Variants in LRRC69 observed in about 807,000 individuals in gnomAD.
LRRC69 encodes leucine-rich repeat-containing protein 69.
LRRC69 carries 42 observed loss-of-function variants against 37.8 expected under a neutral mutation model. The ratio of observed to expected loss-of-function variants is 1.11; its 90% CI spans 0.87 to 1.44. The LOEUF (loss-of-function observed/expected upper bound fraction) is 1.44. LRRC69 is among the 40% of genes most tolerant of loss of function. The pLI is 0.00. For synonymous variants in LRRC69, 141 were observed against 143.1 expected (o/e 0.99, Z 0.11); for missense variants, 357 against 401.9 (o/e 0.89, Z 0.96).
intron 5 of LRRC69, among the ~76,000 whole-genome samples, chr8:91,188,895 G>A (rs1809446538): frequency 1.3e-5 from 2 of 149,802 alleles, no homozygotes; most frequent in Non-Finnish European, 3.0e-5. Flanking sequence ...GCACAATCTC[G>A]GCTCAGTGCA....
intron 5 of LRRC69, among the ~76,000 whole-genome samples, chr8:91,147,294 A>G (rs1808639645): frequency 6.8e-6 from 1 of 147,774 alleles, no homozygotes; most frequent in Non-Finnish European, 1.5e-5. Flanking sequence ...AACATATTAT[A>G]TATTATATAT....
intron 5 of LRRC69, among the ~76,000 whole-genome samples, chr8:91,166,801 C>T (rs1323899953): frequency 6.6e-6 from 1 of 151,758 alleles, no homozygotes; most frequent in Non-Finnish European, 1.5e-5. Flanking sequence ...CAGTACTACC[C>T]GTCCTCATAT....
chr8:91,186,152 A>G (rs1171235384), intron 5 of LRRC69, among the ~76,000 whole-genome samples: 1 of 152,156 alleles, frequency 6.6e-6, no homozygotes, highest in Non-Finnish European at 1.5e-5. Context: ...TTCTGAGAAG[A>G]TATTTGTTTA....
intron 5 of LRRC69, among the ~76,000 whole-genome samples, chr8:91,136,291 T>C (rs1039641573): frequency 6.6e-6 from 1 of 151,970 alleles, no homozygotes; most frequent in African/African-American, 2.4e-5. Context: ...TAAACATTCA[T>C]GGTAATAATG....
intron 1 of LRRC69, among the ~76,000 whole-genome samples, chr8:91,112,896 A>C (rs920631489): frequency 6.6e-6 from 1 of 152,186 alleles, no homozygotes; most frequent in African/African-American, 2.4e-5. Flanking sequence ...TAAAATCAAC[A>C]TACTAAAAAT....
At position 91,192,444 on chromosome 8, in the gene LRRC69, T is replaced by C. The variant is rs1320561453; in HGVS notation, c.753+2821T>C. On this transcript the variant is annotated intron_variant, in intron 6 of 7. Coordinates refer to ENST00000448384, the Ensembl canonical transcript of LRRC69. ...ACACTGACTTCCACAATGGTTGAAC[T>C]AGTTTACAGTCCCACCAACAGTGTA... 4.6e-5 allele frequency among the ~76,000 whole-genome samples: 7 copies of C among 151,786 alleles called. No individual in the cohort carries two copies. In the South Asian group the frequency reaches 6.3e-4, roughly 14 times the overall value.
chr8:91,210,221 T>C (rs74550121), intron 7 of LRRC69, among the ~76,000 whole-genome samples: 1,649 of 152,278 alleles, frequency 0.011, 25 homozygotes, highest in African/African-American at 0.037. Context: ...TAAGCAAAGT[T>C]AAGTAGTTTG....
rs1810107147 is a variant in LRRC69 at position 91,218,878 on chromosome 8, T to C, written c.934-12T>C. 1 of 1,496,184 alleles carries C rather than the reference T, an allele frequency of 6.7e-7. No homozygotes were observed. The highest frequency in any genetic ancestry group is 9.1e-7 in the Non-Finnish European group (1 of 1,102,262). The allele number at this position is 1,496,184 out of a possible 1,614,324, so 92.7% of individuals were successfully genotyped here. On this transcript the variant is annotated splice_polypyrimidine_tract_variant and intron_variant, in intron 7 of 7. Coordinates refer to ENST00000448384, the Ensembl canonical transcript of LRRC69. Reference sequence around the variant, plus strand: ...CACTGCCTAAATTTTATTTTTAATCTTTACTTTTTAGGACTGGAAGATAAG... The same window carrying C: ...CACTGCCTAAATTTTATTTTTAATCCTTACTTTTTAGGACTGGAAGATAAG...
At chr8:91,118,350 GCAAAAAAAAAAAAAAAAAAAAAAAAAAA>G in intron 1 of LRRC69, 1 of 20,234 alleles carries the variant, frequency 4.9e-5, no homozygotes, top group South Asian at 6.3e-4. Context: ...TACTAAAAAT[GCAAAAAAAAAAAAAAAAAAAAAAAAAAA>G]AAAAAAAAAA....
intron 1 of LRRC69, among the ~76,000 whole-genome samples, chr8:91,104,665 A>G (rs889180864): frequency 6.6e-6 from 1 of 151,986 alleles, no homozygotes; most frequent in Non-Finnish European, 1.5e-5. Context: ...TTTGCTAGAT[A>G]CTGTCAGCCA....
chr8:91,103,206 A>G (rs1211949008), intron 1 of LRRC69, among the ~76,000 whole-genome samples: 1 of 152,052 alleles, frequency 6.6e-6, no homozygotes, highest in Non-Finnish European at 1.5e-5. Flanking sequence ...GATCCAGGAG[A>G]TGCTGTTCAC....
At chr8:91,181,981 G>T (rs894277721) in intron 5 of LRRC69, among the ~76,000 whole-genome samples, 1 of 152,074 alleles carries the variant, frequency 6.6e-6, no homozygotes, top group African/African-American at 2.4e-5. Context: ...ATAAAATATG[G>T]AAAAATAAAA....
chr8:91,154,246 A>G (rs188723393), intron 5 of LRRC69, among the ~76,000 whole-genome samples: 1 of 151,656 alleles, frequency 6.6e-6, no homozygotes, highest in East Asian at 1.9e-4. Flanking sequence ...CAAAGAAAAA[A>G]AAAAGCCCAG....
Position 91,194,369 on chromosome 8 carries a change from G to A in LRRC69, c.753+4746G>A, listed in dbSNP as rs1809556207. Among the ~76,000 whole-genome samples, 3 of 151,646 alleles carry A rather than the reference G, an allele frequency of 2.0e-5. No homozygotes were observed. In the South Asian group the frequency reaches 6.2e-4, roughly 31 times the overall value. The stretch of plus-strand genomic sequence containing the variant: ...GAATGATGCTGGCCTCATAAAATGA[G>A]TTAGGGAGGATTCTCTATTGTTTTA... On this transcript the variant is annotated intron_variant, in intron 6 of 7. Coordinates refer to ENST00000448384, the Ensembl canonical transcript of LRRC69.
chr8:91,201,620 C>T (rs1191247412), intron 7 of LRRC69, among the ~76,000 whole-genome samples: 6 of 151,968 alleles, frequency 3.9e-5, no homozygotes, highest in Non-Finnish European at 4.4e-5. Flanking sequence ...TTTTCCCACA[C>T]TTGTTCTAGA....
chr8:91,161,787 T>TTTTGGG (rs1191386095), intron 5 of LRRC69, among the ~76,000 whole-genome samples: 20 of 151,316 alleles, frequency 1.3e-4, no homozygotes, highest in Non-Finnish European at 1.0e-4. Context: ...TCTTTCTTTC[T>TTTTGGG]TTCTACTAAT....
intron 7 of LRRC69, among the ~76,000 whole-genome samples, chr8:91,201,113 G>A (rs1809705138): frequency 6.6e-6 from 1 of 152,162 alleles, no homozygotes; most frequent in South Asian, 2.1e-4. Context: ...CTCAGAAGAA[G>A]AATTGGTCAG....
exon 6 of LRRC69, chr8:91,189,551 C>T (rs1212157075): frequency 1.9e-6 from 3 of 1,551,014 alleles, no homozygotes; most frequent in Non-Finnish European, 2.6e-6. Flanking sequence ...GGGAATTCTA[C>T]TGTGAGGGAA....
At chr8:91,216,823 T>C (rs1014009093) in intron 7 of LRRC69, among the ~76,000 whole-genome samples, 5 of 152,102 alleles carry the variant, frequency 3.3e-5, no homozygotes, top group Admixed American at 6.6e-5. Context: ...GACTAATGTA[T>C]TGTTGATATC....
Sources: allele counts gnomAD v4.1 joint callset (sites outside exome capture counted in the v4.1 genomes callset), GRCh38; gene constraint gnomAD v4.1.1; transcripts MANE v1.5; gene names NCBI Gene and HGNC (gene_info 2026-07-23, HGNC 2026-07-21).